The following NUP98 variants were observed in gnomAD, a reference collection of about 807,000 sequenced individuals.
NUP98 encodes nuclear pore complex protein Nup98-Nup96.
A neutral mutation model predicts 191.9 loss-of-function variants in NUP98; 26 were observed. That is an observed-to-expected ratio of 0.14 (90% CI 0.10 to 0.19). The LOEUF (loss-of-function observed/expected upper bound fraction) is 0.19, where lower values mean the gene tolerates loss of function less well. Among genes scored for constraint, NUP98 ranks in the 10% least tolerant of loss-of-function variants. The probability of loss-of-function intolerance (pLI) is 1.00; values close to 1 mark genes in which losing one functional copy is unlikely to be tolerated. For synonymous variants in NUP98, 808 were observed against 778.4 expected, an observed-to-expected ratio of 1.04 and a Z score of -0.63; for missense variants, 1,941 against 2,178.8, an observed-to-expected ratio of 0.89 and a Z score of 2.17.
chr11:3,735,376 G>T, intron 12 of NUP98, 52 bp from the exon 13 acceptor site: 3 of 994,540 alleles, frequency 3.0e-6, no homozygotes, highest in Non-Finnish European at 4.0e-6. Context: ...ATAAATGCAA[G>T]GATACAATGC....
Position 3,683,250 on chromosome 11 carries a change from G to A in NUP98, c.4868C>T (p.Ala1623Val). 1 of 1,614,182 alleles carries A rather than the reference G, an allele frequency of 6.2e-7. No homozygotes were observed. Among genetic ancestry groups the A allele is most frequent in the South Asian group, 1.1e-5 (1 of 91,076 alleles). The change falls in exon 30 of 33, where the codon GCT becomes GTT. Residue 1623 changes from alanine to valine, a missense_variant. Ala to Val is a moderately conservative substitution (Grantham distance 64, BLOSUM62 0). Transcript: ENST00000324932. ...CTTGTGGCAGCGGTTCCAGTGCTCA[G>A]CCTTAAATAAGCAAAGGGCCTCTAA... ...KHLEALCLFKAEHWNRCHKLI... is the reference protein window; with the variant it reads ...KHLEALCLFKVEHWNRCHKLI...
chr11:3,765,763 T>C (rs989588887), intron 8 of NUP98, among the ~76,000 whole-genome samples: 2 of 146,846 alleles, frequency 1.4e-5, no homozygotes, highest in East Asian at 4.0e-4. Context: ...ATCGTGCCAC[T>C]GCACTCCAGC....
At chr11:3,771,979 T>C (rs753293190) in intron 6 of NUP98, 51 bp from the exon 7 acceptor site, 1 of 1,500,596 alleles carries the variant, frequency 6.7e-7, no homozygotes, top group Non-Finnish European at 9.2e-7. Context: ...CTAAAAATAA[T>C]TATTTAGGAG....
At position 3,735,343 on chromosome 11, in the gene NUP98, G is replaced by C. The variant is rs1446984876; in HGVS notation, c.1409-19C>G. ...GTCAAAGCTTTTAAAAAAAAAAAAA[G>C]AAAACAAAATATATATATATATATA... On this transcript the variant is annotated intron_variant, in intron 12 of 32. Transcript: ENST00000324932. 5 of 1,217,766 alleles carry C rather than the reference G, an allele frequency of 4.1e-6. No individual in the cohort carries two copies. Among genetic ancestry groups the C allele is most frequent in the Non-Finnish European group, 5.4e-6 (5 of 921,294 alleles). The allele number at this position is 1,217,766 out of a possible 1,614,324, so 75.4% of individuals were successfully genotyped here.
chr11:3,768,507 T>A, intron 8 of NUP98, 74 bp downstream of exon 8: 1 of 1,339,172 alleles, frequency 7.5e-7, no homozygotes, highest in Non-Finnish European at 9.9e-7. Flanking sequence ...ATTTGCTAGT[T>A]TGACATGATT....
rs751905369 is a variant in NUP98 at position 3,773,594 on chromosome 11, A to G, written c.603+38T>C. 1.9e-5 allele frequency: 24 copies of G among 1,272,300 alleles called. No homozygotes were observed. In the East Asian group the frequency reaches 5.3e-4, roughly 28 times the overall value. 78.8% of individuals were successfully genotyped at this position (1,272,300 alleles called of 1,614,324 possible). A position where few individuals can be genotyped will look rare whatever the true frequency, so the allele number is the denominator to read the frequency against. ...TAAAAGCTGCATTCCAATAAAATCA[A>G]AAGGTTAGACTGACATTCTGTATTG... On this transcript the variant is annotated intron_variant, in intron 6 of 32. Coordinates refer to ENST00000324932, the MANE Select transcript of NUP98 (RefSeq NM_016320.5).
chr11:3,795,098 T>G (rs905495205), intron 1 of NUP98, among the ~76,000 whole-genome samples: 2 of 152,222 alleles, frequency 1.3e-5, no homozygotes, highest in African/African-American at 4.8e-5. Context: ...TAAATTTAGT[T>G]CCTTAAAAAT....
At chr11:3,725,601 G>T (rs1217336583) in intron 14 of NUP98, among the ~76,000 whole-genome samples, 1 of 152,072 alleles carries the variant, frequency 6.6e-6, no homozygotes, top group Non-Finnish European at 1.5e-5. Flanking sequence ...CAGTACAAAC[G>T]TATGGCTGTC....
intron 28 of NUP98, among the ~76,000 whole-genome samples, chr11:3,686,543 G>A (rs2078138697): frequency 2.0e-5 from 3 of 152,086 alleles, no homozygotes; most frequent in African/African-American, 7.2e-5. Flanking sequence ...TTTTGAGACA[G>A]AGTCTCGCTC....
Position 3,760,228 on chromosome 11 carries a change from T to C in NUP98, c.1174+311A>G, listed in dbSNP as rs865996492. The C allele has an allele frequency of 6.9e-5, 26 of 374,122 alleles. No homozygotes were observed. In the South Asian group the frequency reaches 1.4e-3, roughly 20 times the overall value. 23.2% of individuals were successfully genotyped at this position (374,122 alleles called of 1,614,324 possible). ...AGGTTTGAAACCTGGCCTCATACAATGTGTTACTTAACCAAATGTGTTTCC... is the reference window on the plus strand; with the variant it reads ...AGGTTTGAAACCTGGCCTCATACAACGTGTTACTTAACCAAATGTGTTTCC... On this transcript the variant is annotated intron_variant, in intron 10 of 32. Transcript: ENST00000324932.
At position 3,675,923 on chromosome 11, in the gene NUP98, C is replaced by T; in HGVS notation, c.*236G>A. On this transcript the variant is annotated 3_prime_UTR_variant, in exon 33 of 33. Coordinates refer to ENST00000324932, the MANE Select transcript of NUP98 (RefSeq NM_016320.5). ...TGACCATTTTTTTAAAGGAAAAACA[C>T]TGAATGATCTTGAGGATGGTAAACT... 1 of 545,550 alleles carries T rather than the reference C, an allele frequency of 1.8e-6. No individual in the cohort carries two copies. Among genetic ancestry groups the T allele is most frequent in the Non-Finnish European group, 3.3e-6 (1 of 306,150 alleles). 33.8% of individuals were successfully genotyped at this position (545,550 alleles called of 1,614,324 possible).
In NUP98 at chr11:3,782,043, C is replaced by T. The variant is rs201643505; in HGVS notation, c.75G>A (p.Gln25=). ...GGFGTTSTFG[Q]NTGFGTTSGG... ...CTTTTGTCCTTTTTAAAAACTTACT[C>T]TGTCCAAATGTTGAAGTTGTGCCAA... Residue 25 remains glutamine (Q), a splice_region_variant and synonymous_variant, in exon 2 of 33, where the codon CAG becomes CAA. Coordinates refer to ENST00000324932, the MANE Select transcript of NUP98 (RefSeq NM_016320.5). 1 of 1,609,888 alleles carries T rather than the reference C, an allele frequency of 6.2e-7. No homozygotes were observed. The highest frequency in any genetic ancestry group is 8.5e-7 in the Non-Finnish European group (1 of 1,177,464).
At chr11:3,739,269 A>G (rs1195123433) in intron 12 of NUP98, among the ~76,000 whole-genome samples, 1 of 151,988 alleles carries the variant, frequency 6.6e-6, no homozygotes, top group Non-Finnish European at 1.5e-5. Context: ...TTTTTTTTTG[A>G]GACAGAGTCT....
At chr11:3,724,329 G>A (rs2079527002) in intron 15 of NUP98, among the ~76,000 whole-genome samples, 1 of 151,730 alleles carries the variant, frequency 6.6e-6, no homozygotes, top group African/African-American at 2.4e-5. Flanking sequence ...CAGCTACTCA[G>A]GAGGCTGAGG....
intron 10 of NUP98, among the ~76,000 whole-genome samples, chr11:3,754,766 AC>A (rs1243618029): frequency 2.6e-5 from 4 of 151,884 alleles, no homozygotes; most frequent in Non-Finnish European, 1.5e-5. Flanking sequence ...ACATGGAGAA[AC>A]CCCACCTCTA....
chr11:3,788,477 G>C (rs1354382727), intron 1 of NUP98, among the ~76,000 whole-genome samples: 2 of 152,106 alleles, frequency 1.3e-5, no homozygotes, highest in African/African-American at 4.8e-5. Context: ...TGTAATCCCA[G>C]CTACTCAGGA....
chr11:3,690,436 A>G (rs1268219940), intron 28 of NUP98, among the ~76,000 whole-genome samples: 2 of 151,236 alleles, frequency 1.3e-5, no homozygotes, highest in African/African-American at 2.4e-5. Context: ...ATTTTTTTGT[A>G]TTTTTAGTAG....
intron 1 of NUP98, among the ~76,000 whole-genome samples, chr11:3,793,970 A>AG (rs2082442800): frequency 1.3e-5 from 2 of 150,914 alleles, no homozygotes; most frequent in African/African-American, 4.9e-5. Flanking sequence ...ACTCTGTCTC[A>AG]AAAAATAAAT....
chr11:3,771,244 C>G (rs2081521951), intron 7 of NUP98, among the ~76,000 whole-genome samples: 2 of 152,200 alleles, frequency 1.3e-5, no homozygotes, highest in African/African-American at 4.8e-5. Context: ...CTCTTACAAT[C>G]TACTGTCAAT....
Sources: gnomAD v4.1 joint callset for allele counts (sites outside exome capture counted in the v4.1 genomes callset) on GRCh38, gnomAD v4.1.1 for gene constraint, MANE v1.5 for transcripts, NCBI Gene and HGNC (gene_info 2026-07-23, HGNC 2026-07-21) for gene names.